The following TENM2 variants were observed in gnomAD, a reference collection of about 807,000 sequenced individuals.
The protein encoded by TENM2 is teneurin transmembrane protein 2, also known as teneurin-2.
TENM2 carries 52 observed loss-of-function variants against 245.2 expected under a neutral mutation model. The observed-to-expected ratio is 0.21, with a 90% CI of 0.17 to 0.27. The LOEUF (loss-of-function observed/expected upper bound fraction) is 0.27. Ranked by LOEUF, TENM2 falls within the 10% of genes least tolerant of loss-of-function variation. The pLI is 1.00. For synonymous variants in TENM2, 1,363 were observed against 1,438.9 expected, an observed-to-expected ratio of 0.95 and a Z score of 1.19; for missense variants, 3,046 against 3,666.8, an observed-to-expected ratio of 0.83 and a Z score of 4.37.
chr5:167,757,975 CA>C (rs1216434362), intron 2 of TENM2, among the ~76,000 whole-genome samples: 1 of 152,150 alleles, frequency 6.6e-6, no homozygotes, highest in Admixed American at 6.6e-5. Flanking sequence ...GTGGCATGGA[CA>C]AATGCCCTTC....
At chr5:167,453,144 T>C (rs192696934) in intron 2 of TENM2, among the ~76,000 whole-genome samples, 1 of 151,174 alleles carries the variant, frequency 6.6e-6, no homozygotes, top group Admixed American at 6.6e-5. Flanking sequence ...AACCTGACAA[T>C]ATATTGTAAC....
At chr5:167,962,087 A>G (rs923401613) in intron 4 of TENM2, among the ~76,000 whole-genome samples, 1 of 152,208 alleles carries the variant, frequency 6.6e-6, no homozygotes, top group Admixed American at 6.5e-5. Context: ...GAGAGGACCA[A>G]TGAAACCACG....
chr5:168,229,923 G>T (rs1764684174), intron 25 of TENM2: 1 of 152,220 alleles, frequency 6.6e-6, no homozygotes, highest in African/African-American at 2.4e-5. Flanking sequence ...TCAGGGCTGT[G>T]TAATTGATTT....
At chr5:167,427,871 G>T (rs1260491893) in intron 2 of TENM2, among the ~76,000 whole-genome samples, 1 of 124,628 alleles carries the variant, frequency 8.0e-6, no homozygotes, top group Admixed American at 7.5e-5. Flanking sequence ...GAAAGGAAGG[G>T]AAGGAAGGGA....
At chr5:167,128,290 A>G in the TENM2 span, among the ~76,000 whole-genome samples, 1 of 152,072 alleles carries the variant, frequency 6.6e-6, no homozygotes, top group East Asian at 1.9e-4. Context: ...CCATGAACCG[A>G]CCTCAGTTTA....
At chr5:167,499,139 G>A (rs1769011251) in intron 2 of TENM2, among the ~76,000 whole-genome samples, 1 of 151,984 alleles carries the variant, frequency 6.6e-6, no homozygotes, top group Non-Finnish European at 1.5e-5. Flanking sequence ...CTTCCTCTGT[G>A]TCCCGTGGGA....
At chr5:167,094,835 C>T in the TENM2 span, among the ~76,000 whole-genome samples, 1 of 152,088 alleles carries the variant, frequency 6.6e-6, no homozygotes, top group Admixed American at 6.5e-5. Flanking sequence ...AATTTCTCTG[C>T]AAAATGAATT....
chr5:167,445,369 A>AGAGAGAGAGAGAGAGAGAGAGAGTGAGT (rs35699708), intron 2 of TENM2, among the ~76,000 whole-genome samples: 14 of 98,584 alleles, frequency 1.4e-4, no homozygotes, highest in African/African-American at 6.1e-4. Context: ...AGAGAGAGAG[A>AGAGAGAGAGAGAGAGAGAGAGAGTGAGT]GTGTCAGGTG....
At chr5:167,595,104 A>C (rs1776114648) in intron 2 of TENM2, among the ~76,000 whole-genome samples, 1 of 152,190 alleles carries the variant, frequency 6.6e-6, no homozygotes, top group South Asian at 2.1e-4. Flanking sequence ...TAAGATAATC[A>C]TCTCACCTTA....
chr5:167,868,513 C>T (rs900593477), intron 2 of TENM2, among the ~76,000 whole-genome samples: 3 of 151,736 alleles, frequency 2.0e-5, no homozygotes, highest in East Asian at 3.9e-4. Context: ...CTGAGGTGGG[C>T]GGATCACCTG....
intron 2 of TENM2, among the ~76,000 whole-genome samples, chr5:167,872,533 AAAGAAAGAAAGAAAGAGAAAG>A (rs1773032915): frequency 5.7e-5 from 3 of 52,742 alleles, no homozygotes; most frequent in African/African-American, 1.7e-4. Context: ...AGAAAGAAAG[AAAGAAAGAAAGAAAGAGAAAG>A]AAAGAAAGAA....
At chr5:168,152,042 C>T (rs1268231948) in intron 12 of TENM2, among the ~76,000 whole-genome samples, 2 of 152,206 alleles carry the variant, frequency 1.3e-5, no homozygotes, top group Non-Finnish European at 2.9e-5. Context: ...ATCCTGGCTC[C>T]ACCATGAACC....
upstream of TENM2, among the ~76,000 whole-genome samples, chr5:167,280,794 CT>C (rs759283182): frequency 6.6e-6 from 1 of 151,566 alleles, no homozygotes; most frequent in Non-Finnish European, 1.5e-5. Context: ...ATCTATCTAT[CT>C]ATCTATCTAT....
chr5:167,338,584 T>C (rs1319902993), intron 1 of TENM2, among the ~76,000 whole-genome samples: 2 of 152,224 alleles, frequency 1.3e-5, no homozygotes, highest in Non-Finnish European at 2.9e-5. Context: ...CACGTGGTTT[T>C]CCCTTCTTTT....
At chr5:168,236,942 A>T (rs1275165567) in intron 25 of TENM2, among the ~76,000 whole-genome samples, 2 of 580 alleles carry the variant, frequency 3.4e-3, no homozygotes, top group Non-Finnish European at 7.0e-3. Context: ...TCCTAATCAT[A>T]TATATATATA....
At chr5:167,798,642 G>A (rs1050275818) in intron 2 of TENM2, among the ~76,000 whole-genome samples, 2 of 152,148 alleles carry the variant, frequency 1.3e-5, no homozygotes, top group Admixed American at 6.5e-5. Context: ...CGCAGACTCC[G>A]CACTTTTGCC....
chr5:168,250,224 ATGGATGGGTGTG>A (rs1237647126), intron 27 of TENM2, among the ~76,000 whole-genome samples: 4 of 151,790 alleles, frequency 2.6e-5, no homozygotes, highest in African/African-American at 7.3e-5. Flanking sequence ...GGGTGAATGG[ATGGATGGGTGTG>A]TGGATGGGAG....
the TENM2 span, among the ~76,000 whole-genome samples, chr5:167,224,922 T>C: frequency 6.6e-6 from 1 of 152,030 alleles, no homozygotes; most frequent in Admixed American, 6.6e-5. Flanking sequence ...TTCACCTCTT[T>C]GGTTAAATTT....
chr5:167,343,692 T>G (rs942525371), intron 1 of TENM2, among the ~76,000 whole-genome samples: 1 of 152,150 alleles, frequency 6.6e-6, no homozygotes, highest in African/African-American at 2.4e-5. Context: ...CTGCATTTTT[T>G]AAAAAAATGA....
Sources: allele counts gnomAD v4.1 joint callset (sites outside exome capture counted in the v4.1 genomes callset), GRCh38; gene constraint gnomAD v4.1.1; transcripts MANE v1.5; gene names NCBI Gene and HGNC (gene_info 2026-07-23, HGNC 2026-07-21).